PCSK5: variants seen among roughly 807,000 people sequenced by gnomAD.
PCSK5 encodes the protein prohormone convertase 5.
A neutral mutation model predicts 233.2 loss-of-function variants in PCSK5; 129 were observed. That is an observed-to-expected ratio of 0.55 (90% CI 0.48 to 0.64). The LOEUF (loss-of-function observed/expected upper bound fraction) is 0.64, where lower values mean the gene tolerates loss of function less well. Among genes scored for constraint, PCSK5 ranks in the 30% least tolerant of loss-of-function variants. PCSK5 has a pLI of 0.00. For missense variants in PCSK5, 2,076 were observed against 2,430.1 expected, an observed-to-expected ratio of 0.85 and a Z score of 3.06; for synonymous variants, 825 against 879.2, an observed-to-expected ratio of 0.94 and a Z score of 1.09.
At chr9:75,909,146 G>A (rs1031470415) in intron 1 of PCSK5, among the ~76,000 whole-genome samples, 6 of 151,546 alleles carry the variant, frequency 4.0e-5, no homozygotes, top group South Asian at 4.2e-4. Flanking sequence ...CCAACATGGC[G>A]AAACCCTTTC....
At chr9:76,217,859 C>T (rs921468195) in intron 20 of PCSK5, among the ~76,000 whole-genome samples, 2 of 152,314 alleles carry the variant, frequency 1.3e-5, no homozygotes, top group African/African-American at 4.8e-5. Flanking sequence ...AGCTCTCTGA[C>T]ACCTGGATTT....
intron 12 of PCSK5, among the ~76,000 whole-genome samples, chr9:76,164,176 G>A (rs1564073003): frequency 6.6e-6 from 1 of 152,070 alleles, no homozygotes. Context: ...AAGGCATCAT[G>A]GTATATAAAT....
rs7044139 is a variant in PCSK5, at chr9:76,027,551, T to C, written c.632+514T>C. ...TGCCAACTGAAGAAGGCATTACCTT[T>C]CTTATTCCCCGCCCCCCGCCCAGGC... On this transcript the variant is annotated intron_variant, in intron 5 of 37. Transcript: ENST00000674117. Among the ~76,000 whole-genome samples the C allele has an allele frequency of 3.3e-3, 491 of 150,124 alleles. 6 individuals carry two copies. The highest frequency in any genetic ancestry group is 0.012 in the African/African-American group (473 of 40,666).
chr9:76,228,588 A>G (rs1825972592), intron 21 of PCSK5, among the ~76,000 whole-genome samples: 1 of 152,232 alleles, frequency 6.6e-6, no homozygotes, highest in Non-Finnish European at 1.5e-5. Context: ...CTTTGCTAAT[A>G]CACTGGGAAT....
At chr9:75,994,400 CTTTTT>C (rs550518074) in intron 3 of PCSK5, among the ~76,000 whole-genome samples, 2 of 82,008 alleles carry the variant, frequency 2.4e-5, no homozygotes, top group African/African-American at 5.9e-5. Context: ...TTCTTTCTTT[CTTTTT>C]TTTTTTTTTT....
intron 30 of PCSK5, 108 bp from the exon 31 acceptor site, chr9:76,321,314 A>G: frequency 1.5e-6 from 1 of 652,228 alleles, no homozygotes; most frequent in South Asian, 1.8e-5. Flanking sequence ...CTCTCAGCTG[A>G]CGACAGCAGC....
chr9:76,116,134 G>A (rs1832414593), intron 9 of PCSK5, among the ~76,000 whole-genome samples: 1 of 151,980 alleles, frequency 6.6e-6, no homozygotes, highest in African/African-American at 2.4e-5. Context: ...ATGACAGATT[G>A]AAAGCATGTC....
rs58504698 is a variant in PCSK5, at chr9:75,897,489, C to CTTTTTTT, written c.192+6129_192+6135dup. Among the ~76,000 whole-genome samples the CTTTTTTT allele has an allele frequency of 3.8e-4, 45 of 119,482 alleles. 1 individual carries two copies. Among genetic ancestry groups the CTTTTTTT allele is most frequent in the African/African-American group, 5.6e-4 (17 of 30,596 alleles). 78.4% of individuals were successfully genotyped at this position (119,482 alleles called of 152,430 possible). ...GAGGTTGCAAGATTTTCTTTCTTTT[C>CTTTTTTT]TTTTTTTTTTTTTTTTTTTCCCGAA... On this transcript the variant is annotated intron_variant, in intron 1 of 37. Coordinates refer to ENST00000674117, the MANE Select transcript of PCSK5 (RefSeq NM_001372043.1).
At chr9:76,080,545 G>T (rs1390637272) in intron 7 of PCSK5, among the ~76,000 whole-genome samples, 2 of 152,108 alleles carry the variant, frequency 1.3e-5, no homozygotes, top group South Asian at 2.1e-4. Context: ...TTTACTTAAG[G>T]ATCACACTGG....
At chr9:76,060,828 T>C (rs1333015762) in intron 5 of PCSK5, among the ~76,000 whole-genome samples, 1 of 152,058 alleles carries the variant, frequency 6.6e-6, no homozygotes, top group Admixed American at 6.5e-5. Flanking sequence ...CAAGCTGGTA[T>C]AGGGAAAAAG....
intron 2 of PCSK5, among the ~76,000 whole-genome samples, chr9:75,971,484 T>C (rs1825813494): frequency 6.6e-6 from 1 of 152,208 alleles, no homozygotes; most frequent in Non-Finnish European, 1.5e-5. Context: ...GTATTTCTGA[T>C]TGTAGGTCTT....
chr9:76,167,386 T>A (rs1372470710), intron 12 of PCSK5, among the ~76,000 whole-genome samples: 1 of 152,256 alleles, frequency 6.6e-6, no homozygotes, highest in Non-Finnish European at 1.5e-5. Flanking sequence ...TCTACTCATC[T>A]GTGTTTGATT....
rs559034290 is a variant in PCSK5, at chr9:76,168,037, G to C, written c.1620-1667G>C. On this transcript the variant is annotated intron_variant, in intron 12 of 37. Transcript: ENST00000674117. ...ATTTTTTAAAGTTCTATACAAAAAG[G>C]ACTTGCCCCGTCTTTCACTTTCCAC... Among the ~76,000 whole-genome samples, 20 of 152,194 alleles carry C rather than the reference G, an allele frequency of 1.3e-4. No individual in the cohort carries two copies. The South Asian group carries it at 2.3e-3, about 17-fold the overall frequency.
chr9:75,905,339 T>C (rs1826216299), intron 1 of PCSK5, among the ~76,000 whole-genome samples: 1 of 152,122 alleles, frequency 6.6e-6, no homozygotes. Context: ...TGACACCTTC[T>C]GGTCTCTACA....
chr9:75,918,428 T>G (rs1411350350), intron 1 of PCSK5, among the ~76,000 whole-genome samples: 1 of 152,252 alleles, frequency 6.6e-6, no homozygotes, highest in Non-Finnish European at 1.5e-5. Flanking sequence ...ATGCCAATGC[T>G]GCTGGTCCAG....
rs1822796187 is a variant in PCSK5, at chr9:75,912,630, A to T, written c.193-19749A>T. Among the ~76,000 whole-genome samples, 4 of 152,164 alleles carry T rather than the reference A, an allele frequency of 2.6e-5. No homozygotes were observed. The South Asian group carries it at 8.3e-4, about 32-fold the overall frequency. On this transcript the variant is annotated intron_variant, in intron 1 of 37. Transcript: ENST00000674117. ...TTGCAGACTTGCATGCACAGTCAGT[A>T]CTAAGTGAGGAGAGAAGCCATTAGA... is the stretch of plus-strand genomic sequence containing the variant.
intron 20 of PCSK5, chr9:76,193,431 A>G: frequency 1.8e-6 from 2 of 1,121,178 alleles, no homozygotes; most frequent in Non-Finnish European, 2.4e-6. Context: ...CCAAAAAGAA[A>G]AAAAAAAAAA....
chr9:75,932,611 T>C, intron 2 of PCSK5, 128 bp downstream of exon 2: 1 of 649,954 alleles, frequency 1.5e-6, no homozygotes, highest in East Asian at 2.7e-5. Flanking sequence ...TATCCTTTGG[T>C]CTAGTGTCTA....
At chr9:75,939,709 T>C (rs1824214472) in intron 2 of PCSK5, among the ~76,000 whole-genome samples, 1 of 152,254 alleles carries the variant, frequency 6.6e-6, no homozygotes, top group Non-Finnish European at 1.5e-5. Flanking sequence ...TAGACACCCA[T>C]GCGCTATGCA....
Sources: allele counts gnomAD v4.1 joint callset (sites outside exome capture counted in the v4.1 genomes callset), GRCh38; gene constraint gnomAD v4.1.1; transcripts MANE v1.5; gene names NCBI Gene and HGNC (gene_info 2026-07-23, HGNC 2026-07-21).